The following CHN2 variants were observed in gnomAD, a reference collection of about 807,000 sequenced individuals.
CHN2 encodes chimerin 2, also known as beta-chimaerin.
CHN2 carries 35 observed loss-of-function variants against 56.3 expected under a neutral mutation model. That is an observed-to-expected ratio of 0.62 (90% confidence interval 0.47 to 0.82). The LOEUF is 0.82. CHN2 is among the 40% of genes least tolerant of loss of function. The pLI is 0.00. For missense variants in CHN2, 491 were observed against 580.5 expected (o/e 0.85, Z 1.58); for synonymous variants, 210 against 212.8 (o/e 0.99, Z 0.12).
intron 1 of CHN2, among the ~76,000 whole-genome samples, chr7:29,318,650 A>G (rs1250564007): frequency 1.3e-5 from 2 of 152,044 alleles, no homozygotes; most frequent in African/African-American, 2.4e-5. Flanking sequence ...CTTTTGCTGC[A>G]GTTATTTGAT....
chr7:29,183,316 T>C lies in CHN2; in HGVS notation c.274+36356T>C, dbSNP rs6947087. 7.7e-3 allele frequency among the ~76,000 whole-genome samples: 1,176 copies of C among 152,020 alleles called. 17 individuals carry two copies. The highest frequency in any genetic ancestry group is 0.027 in the African/African-American group (1,126 of 41,420). ...TCAGGCTGGTCTCGAACTCCCGATC[T>C]CAGGTGATCTGCCTGCCTTGGCCTC... On this transcript the variant is annotated intron_variant, in intron 2 of 6. Transcript: ENST00000439384.
intron 6 of CHN2, among the ~76,000 whole-genome samples, chr7:29,451,415 C>T (rs534999440): frequency 1.1e-4 from 16 of 152,048 alleles, no homozygotes; most frequent in Non-Finnish European, 2.1e-4. Flanking sequence ...TGTTACCAGT[C>T]CATGGCGAAA....
intron 6 of CHN2, among the ~76,000 whole-genome samples, chr7:29,433,932 A>G (rs1783040181): frequency 1.3e-5 from 2 of 151,960 alleles, no homozygotes; most frequent in Middle Eastern, 3.4e-3. Context: ...GGAGAGAGGC[A>G]GGAAGGAAGG....
intron 1 of CHN2, among the ~76,000 whole-genome samples, chr7:29,260,398 T>C (rs1366607121): frequency 6.6e-6 from 1 of 152,186 alleles, no homozygotes; most frequent in South Asian, 2.1e-4. Context: ...TTTTGTCATC[T>C]CTCATTGGCA....
At chr7:29,168,456 A>G (rs1796186809) in intron 2 of CHN2, among the ~76,000 whole-genome samples, 2 of 152,256 alleles carry the variant, frequency 1.3e-5, no homozygotes, top group African/African-American at 4.8e-5. Context: ...AGCTTCTATA[A>G]TTATGGACTC....
intron 6 of CHN2, among the ~76,000 whole-genome samples, chr7:29,472,300 C>CAG (rs1491198786): frequency 6.0e-5 from 8 of 133,868 alleles, no homozygotes; most frequent in Non-Finnish European, 3.3e-5. Context: ...CACACACACG[C>CAG]ACACACACAC....
chr7:29,434,639 T>C (rs1243773503), intron 6 of CHN2, among the ~76,000 whole-genome samples: 1 of 152,224 alleles, frequency 6.6e-6, no homozygotes, highest in Non-Finnish European at 1.5e-5. Flanking sequence ...CTTAATCCAA[T>C]ATGACCTCAT....
intron 6 of CHN2, among the ~76,000 whole-genome samples, chr7:29,455,321 A>G (rs1784669923): frequency 6.6e-6 from 1 of 152,208 alleles, no homozygotes; most frequent in South Asian, 2.1e-4. Context: ...AAGAGTGTCA[A>G]TCAGATGCTA....
At chr7:29,431,022 C>T (rs527812501) in intron 6 of CHN2, among the ~76,000 whole-genome samples, 2 of 152,090 alleles carry the variant, frequency 1.3e-5, no homozygotes, top group South Asian at 2.1e-4. Context: ...GTCCTGCTGG[C>T]GAGTAAGAAA....
intron 1 of CHN2, among the ~76,000 whole-genome samples, chr7:29,266,075 A>G (rs1220936937): frequency 2.6e-5 from 4 of 152,228 alleles, no homozygotes; most frequent in African/African-American, 9.6e-5. Context: ...GCAGTGAGAC[A>G]TCCTGCCCGA....
intron 1 of CHN2, among the ~76,000 whole-genome samples, chr7:29,247,283 A>C (rs1324396340): frequency 6.6e-6 from 1 of 152,148 alleles, no homozygotes; most frequent in East Asian, 1.9e-4. Flanking sequence ...TCTGTTTCAA[A>C]TATTACTGAT....
chr7:29,483,731 T>A (rs191495439), intron 7 of CHN2: 1 of 790,672 alleles, frequency 1.3e-6, no homozygotes, highest in East Asian at 8.1e-5. Flanking sequence ...TAATAATACC[T>A]TATGGCTGAG....
intron 7 of CHN2, among the ~76,000 whole-genome samples, chr7:29,486,743 C>T (rs1788054982): frequency 2.6e-5 from 4 of 152,134 alleles, no homozygotes; most frequent in Admixed American, 2.6e-4. Flanking sequence ...TGCTCCTTCT[C>T]AACATGCAAC....
At chr7:29,468,656 G>T (rs1037261583) in intron 6 of CHN2, among the ~76,000 whole-genome samples, 1 of 152,030 alleles carries the variant, frequency 6.6e-6, no homozygotes, top group Non-Finnish European at 1.5e-5. Context: ...TCTGATCCAA[G>T]TGCTCTTCTC....
At chr7:29,489,528 C>T (rs1202297093) in intron 7 of CHN2, among the ~76,000 whole-genome samples, 1 of 152,182 alleles carries the variant, frequency 6.6e-6, no homozygotes, top group Non-Finnish European at 1.5e-5. Flanking sequence ...AGCATTTACA[C>T]GTAGCCTTCT....
chr7:29,497,464 G>GT (rs1190470164), intron 8 of CHN2, among the ~76,000 whole-genome samples: 3 of 151,300 alleles, frequency 2.0e-5, no homozygotes, highest in Admixed American at 6.6e-5. Context: ...GGATAAAAGC[G>GT]TTTTTGTGGG....
chr7:29,482,972 C>T (rs181352931), intron 7 of CHN2, among the ~76,000 whole-genome samples: 12 of 151,670 alleles, frequency 7.9e-5, no homozygotes, highest in Admixed American at 2.0e-4. Context: ...CAGGCGCCCG[C>T]CAACACACCC....
At chr7:29,352,381 C>G (rs910923748) in intron 1 of CHN2, among the ~76,000 whole-genome samples, 12 of 128,798 alleles carry the variant, frequency 9.3e-5, no homozygotes, top group African/African-American at 2.8e-4. Context: ...GTGTGTGTGT[C>G]TCTATTTATC....
At chr7:29,244,361 C>T (rs1787913006) in intron 1 of CHN2, among the ~76,000 whole-genome samples, 1 of 152,186 alleles carries the variant, frequency 6.6e-6, no homozygotes, top group South Asian at 2.1e-4. Context: ...ATGCACCAAC[C>T]AAGTTACTCT....
Sources: allele counts gnomAD v4.1 joint callset (sites outside exome capture counted in the v4.1 genomes callset), GRCh38; gene constraint gnomAD v4.1.1; transcripts MANE v1.5; gene names NCBI Gene and HGNC (gene_info 2026-07-23, HGNC 2026-07-21).